Variants in PNLIPRP3 observed in about 807,000 individuals in gnomAD.
PNLIPRP3 encodes pancreatic lipase related protein 3, also known as pancreatic lipase-related protein 3.
PNLIPRP3 carries 58 observed loss-of-function variants against 52.8 expected under a neutral mutation model. The observed-to-expected ratio is 1.10, with a 90% confidence interval of 0.89 to 1.37. The LOEUF is 1.37. Among genes scored for constraint, PNLIPRP3 ranks in the 40% most tolerant of loss-of-function variants. The pLI, the probability that PNLIPRP3 is intolerant of heterozygous loss-of-function variation, is 0.00. For synonymous variants in PNLIPRP3, 192 were observed against 185.0 expected, an observed-to-expected ratio of 1.04 and a Z score of -0.31; for missense variants, 593 against 561.6, an observed-to-expected ratio of 1.06 and a Z score of -0.57.
At chr10:116,443,384 T>A (rs1026057321) in intron 3 of PNLIPRP3, among the ~76,000 whole-genome samples, 4 of 152,040 alleles carry the variant, frequency 2.6e-5, no homozygotes, top group Non-Finnish European at 5.9e-5. Context: ...ATTTGTATAA[T>A]CACTCTTGAA....
intron 10 of PNLIPRP3, among the ~76,000 whole-genome samples, chr10:116,475,379 CAT>C (rs1022858933): frequency 1.3e-5 from 2 of 152,104 alleles, no homozygotes; most frequent in African/African-American, 2.4e-5. Context: ...ACAACAGACA[CAT>C]GTTTACCTAT....
At chr10:116,463,677 T>G (rs1846233185) in intron 7 of PNLIPRP3, among the ~76,000 whole-genome samples, 1 of 152,096 alleles carries the variant, frequency 6.6e-6, no homozygotes, top group African/African-American at 2.4e-5. Context: ...TGCAAATGGG[T>G]GAGGACCCAG....
intron 9 of PNLIPRP3, among the ~76,000 whole-genome samples, chr10:116,470,760 G>T (rs1004749014): frequency 2.0e-5 from 3 of 151,986 alleles, no homozygotes; most frequent in African/African-American, 4.8e-5. Context: ...TGACCGCCTC[G>T]GACTCCCAAA....
chr10:116,443,023 A>G (rs768763485), intron 2 of PNLIPRP3, 32 bp from the exon 3 acceptor site: 66 of 1,455,864 alleles, frequency 4.5e-5, no homozygotes, highest in Non-Finnish European at 6.0e-5. Context: ...TTTAATTATT[A>G]TTTTTCCTTA....
chr10:116,467,864 G>A (rs1846304704), intron 8 of PNLIPRP3, among the ~76,000 whole-genome samples: 1 of 151,880 alleles, frequency 6.6e-6, no homozygotes, highest in Non-Finnish European at 1.5e-5. Context: ...GGTGGCTCAC[G>A]CTTGTAATCC....
intron 8 of PNLIPRP3, 129 bp from the exon 9 acceptor site, chr10:116,469,056 G>T: frequency 1.1e-6 from 1 of 910,022 alleles, no homozygotes; most frequent in South Asian, 2.4e-5. Flanking sequence ...GGCCTGTTAG[G>T]CACTTTTAAA....
chr10:116,429,540 G>GA (rs1195861313), intron 1 of PNLIPRP3, among the ~76,000 whole-genome samples: 1 of 152,194 alleles, frequency 6.6e-6, no homozygotes, highest in African/African-American at 2.4e-5. Context: ...GGCCAATCTT[G>GA]ACTTTCAGTT....
At chr10:116,431,453 GT>G (rs137983090) in intron 1 of PNLIPRP3, among the ~76,000 whole-genome samples, 33 of 151,686 alleles carry the variant, frequency 2.2e-4, no homozygotes, top group African/African-American at 1.2e-4. Context: ...AAATGTTAGG[GT>G]TTTTTTTATT....
At chr10:116,429,578 C>G (rs1475407865) in intron 1 of PNLIPRP3, among the ~76,000 whole-genome samples, 8 of 152,302 alleles carry the variant, frequency 5.3e-5, no homozygotes, top group Non-Finnish European at 5.9e-5. Flanking sequence ...TGGCCTCCAG[C>G]TCTTCTCTAT....
At chr10:116,435,101 A>G (rs1179047071) in intron 1 of PNLIPRP3, among the ~76,000 whole-genome samples, 2 of 152,240 alleles carry the variant, frequency 1.3e-5, no homozygotes, top group African/African-American at 2.4e-5. Context: ...AGGAAATGTA[A>G]TTATAGCATG....
At chr10:116,455,672 T>G in intron 4 of PNLIPRP3, 50 bp from the exon 5 acceptor site, 1 of 1,311,204 alleles carries the variant, frequency 7.6e-7, no homozygotes, top group Non-Finnish European at 1.1e-6. Context: ...ATATTTAAGC[T>G]ATTCCACCGC....
intron 2 of PNLIPRP3, among the ~76,000 whole-genome samples, chr10:116,437,780 T>G (rs1232646182): frequency 6.6e-6 from 1 of 152,074 alleles, no homozygotes; most frequent in Non-Finnish European, 1.5e-5. Context: ...AAATTACAAT[T>G]AAATAAAATT....
chr10:116,435,460 C>CAAA (rs1589974939), intron 1 of PNLIPRP3, among the ~76,000 whole-genome samples: 1 of 130,988 alleles, frequency 7.6e-6, no homozygotes, highest in East Asian at 2.4e-4. Flanking sequence ...AAAAAAAAAC[C>CAAA]AACCAAACAA....
At chr10:116,465,344 G>A (rs1305549174) in intron 7 of PNLIPRP3, among the ~76,000 whole-genome samples, 1 of 152,072 alleles carries the variant, frequency 6.6e-6, no homozygotes, top group Non-Finnish European at 1.5e-5. Flanking sequence ...AGACCATCCT[G>A]GCTAACATGG....
chr10:116,476,907 G>A, intron 11 of PNLIPRP3, 88 bp downstream of exon 11: 3 of 1,364,250 alleles, frequency 2.2e-6, no homozygotes, highest in East Asian at 2.4e-5. Flanking sequence ...TGTGCAAGTA[G>A]CATAAAAATT....
intron 10 of PNLIPRP3, among the ~76,000 whole-genome samples, chr10:116,472,875 T>C (rs1346738928): frequency 2.0e-5 from 3 of 152,236 alleles, no homozygotes; most frequent in African/African-American, 7.2e-5. Flanking sequence ...ATGCTGTTTC[T>C]TTGCTGCAGA....
Position 116,476,777 on chromosome 10 carries a change from G to T in PNLIPRP3, c.1298G>T (p.Gly433Val). The T allele has an allele frequency of 6.2e-7, 1 of 1,610,068 alleles. No homozygotes were observed. Among genetic ancestry groups the T allele is most frequent in the South Asian group, 1.1e-5 (1 of 90,218 alleles). Residue 433 changes from glycine to valine, a missense_variant, in exon 11 of 12, where the codon GGA (glycine) becomes GTA (valine). By Grantham distance (109) the Gly-to-Val change is moderately radical (BLOSUM62 -3). Transcript: ENST00000369230. ...HLFEDSQNKL[G>V]AEMVINTSGK... is the part of the protein sequence containing the mutation. Reference sequence around the variant, plus strand: ...TTTGAAGATTCTCAGAATAAGTTGGGAGCAGAAATGGTGATAAATACATCT... The same window carrying T: ...TTTGAAGATTCTCAGAATAAGTTGGTAGCAGAAATGGTGATAAATACATCT...
rs1846330610 is a variant in PNLIPRP3 at position 116,469,325 on chromosome 10, T to A, written c.1060+8T>A. On this transcript the variant is annotated splice_region_variant and intron_variant, in intron 9 of 11. Transcript: ENST00000369230. ...CCCTTTCCCCATTTGCCCGTAAGTA[T>A]CATAGCTAAGTTTAATTGTAATGCT... 8 of 1,596,692 alleles carry A rather than the reference T, an allele frequency of 5.0e-6. No individual in the cohort carries two copies. The highest frequency in any genetic ancestry group is 6.8e-6 in the Non-Finnish European group (8 of 1,173,206).
chr10:116,434,305 A>G (rs1317008155), intron 1 of PNLIPRP3, among the ~76,000 whole-genome samples: 1 of 152,170 alleles, frequency 6.6e-6, no homozygotes, highest in Non-Finnish European at 1.5e-5. Context: ...TTTTAATTTT[A>G]CTTTTTTCCA....
Sources: gnomAD v4.1 joint callset for allele counts (sites outside exome capture counted in the v4.1 genomes callset) on GRCh38, gnomAD v4.1.1 for gene constraint, MANE v1.5 for transcripts, NCBI Gene and HGNC (gene_info 2026-07-23, HGNC 2026-07-21) for gene names.